IHO1: variants seen among roughly 807,000 people sequenced by gnomAD.
IHO1 encodes the protein interactor of HORMAD1 1.
A neutral mutation model predicts 31.0 loss-of-function variants in IHO1; 13 were observed. That is an observed-to-expected ratio of 0.42 (90% CI 0.27 to 0.67). The LOEUF (loss-of-function observed/expected upper bound fraction) is 0.67. Ranked by LOEUF, IHO1 falls within the 30% of genes least tolerant of loss-of-function variation. The pLI is 0.24. For synonymous variants in IHO1, 221 were observed against 248.4 expected (o/e 0.89, Z 1.04); for missense variants, 599 against 687.5 (o/e 0.87, Z 1.44).
intron 6 of IHO1, among the ~76,000 whole-genome samples, chr3:49,246,451 C>G (rs999532670): frequency 6.6e-6 from 1 of 151,986 alleles, no homozygotes; most frequent in Non-Finnish European, 1.5e-5. Context: ...TCGAGACCAG[C>G]CTGGCCAAAA....
chr3:49,218,272 T>C (rs2046313808), intron 2 of IHO1, among the ~76,000 whole-genome samples: 1 of 151,522 alleles, frequency 6.6e-6, no homozygotes, highest in African/African-American at 2.4e-5. Flanking sequence ...TCTCTCTCTC[T>C]CTTTCTCTGG....
chr3:49,212,890 T>C (rs1575567939), intron 2 of IHO1, among the ~76,000 whole-genome samples: 1 of 152,234 alleles, frequency 6.6e-6, no homozygotes, highest in African/African-American at 2.4e-5. Flanking sequence ...TTGCCACTGC[T>C]GGCTCGGGCA....
chr3:49,239,517 TG>T (rs949791618), intron 3 of IHO1, among the ~76,000 whole-genome samples: 1 of 151,798 alleles, frequency 6.6e-6, no homozygotes, highest in Non-Finnish European at 1.5e-5. Context: ...CCTGACCTCA[TG>T]ACCCACCTGC....
intron 1 of IHO1, among the ~76,000 whole-genome samples, chr3:49,206,875 C>T (rs1004466458): frequency 3.3e-5 from 5 of 151,874 alleles, no homozygotes; most frequent in African/African-American, 1.2e-4. Flanking sequence ...TGGTGAAACC[C>T]TGTGTCTACT....
At chr3:49,198,355 T>A (rs1323092149), upstream of IHO1, 4 of 152,334 alleles carry the variant, frequency 2.6e-5, no homozygotes, top group African/African-American at 9.6e-5. Flanking sequence ...CAGTTCCAAG[T>A]GCCTTCCAGA....
intron 6 of IHO1, among the ~76,000 whole-genome samples, chr3:49,254,768 C>T (rs779997374): frequency 2.6e-5 from 4 of 151,806 alleles, no homozygotes; most frequent in Admixed American, 6.6e-5. Flanking sequence ...GGGGTGCCAT[C>T]GAAAGTTTCA....
chr3:49,229,657 G>A (rs896831982), intron 2 of IHO1, among the ~76,000 whole-genome samples: 1 of 152,184 alleles, frequency 6.6e-6, no homozygotes, highest in Non-Finnish European at 1.5e-5. Context: ...TAAAGGTTTA[G>A]TAGATACAGG....
At chr3:49,205,086 G>A (rs967557525) in intron 1 of IHO1, among the ~76,000 whole-genome samples, 8 of 151,858 alleles carry the variant, frequency 5.3e-5, no homozygotes, top group Admixed American at 5.2e-4. Flanking sequence ...AAAAGCGGCT[G>A]GTTGGCTATT....
intron 2 of IHO1, among the ~76,000 whole-genome samples, chr3:49,220,160 A>G (rs1158260864): frequency 6.6e-6 from 1 of 152,216 alleles, no homozygotes; most frequent in Non-Finnish European, 1.5e-5. Flanking sequence ...CTGTTAGGAT[A>G]CACCCCACAG....
At chr3:49,212,326 G>A (rs542995573) in intron 2 of IHO1, among the ~76,000 whole-genome samples, 3 of 141,016 alleles carry the variant, frequency 2.1e-5, no homozygotes, top group Non-Finnish European at 3.1e-5. Flanking sequence ...CTTGGCCAAC[G>A]TGGCAAAACC....
chr3:49,247,397 T>TTTTTTTGTATTTTTTTGTA (rs2046708152), intron 6 of IHO1, among the ~76,000 whole-genome samples: 1 of 150,332 alleles, frequency 6.7e-6, no homozygotes, highest in Non-Finnish European at 1.5e-5. Context: ...CACCTGGCTA[T>TTTTTTTGTATTTTTTTGTA]TTTTTTGTAT....
At chr3:49,211,069 G>A (rs1006707107) in intron 1 of IHO1, among the ~76,000 whole-genome samples, 9 of 148,076 alleles carry the variant, frequency 6.1e-5, no homozygotes, top group Admixed American at 2.7e-4. Context: ...GTGCAGTGGC[G>A]CGATCTCGGC....
chr3:49,255,557 A>AT, intron 7 of IHO1, 64 bp downstream of exon 7: 6 of 898,950 alleles, frequency 6.7e-6, no homozygotes, highest in South Asian at 4.4e-5. Context: ...CCAGAGAGAA[A>AT]CTTTTTTTTT....
chr3:49,194,984 G>A (rs991973615), upstream of IHO1, among the ~76,000 whole-genome samples: 2 of 149,940 alleles, frequency 1.3e-5, no homozygotes, highest in African/African-American at 4.9e-5. Flanking sequence ...GGTGTGATGG[G>A]TCACTCCTGT....
At chr3:49,249,429 C>A (rs2046734886) in intron 6 of IHO1, among the ~76,000 whole-genome samples, 1 of 152,052 alleles carries the variant, frequency 6.6e-6, no homozygotes, top group African/African-American at 2.4e-5. Flanking sequence ...CACCACCACG[C>A]CCAGCTAAAT....
At position 49,244,749 on chromosome 3, in the gene IHO1, T is replaced by G; in HGVS notation, c.532+16T>G. 6.2e-7 allele frequency: 1 copy of G among 1,603,962 alleles called. No individual in the cohort carries two copies. The highest frequency in any genetic ancestry group is 2.2e-5 in the East Asian group (1 of 44,844). On this transcript the variant is annotated intron_variant, in intron 6 of 7. Transcript: ENST00000452691. ...GCCAAGACATGTGAGTGCCTCATGTTTGAGGTATCAGCAGAGGGCACTGGT... is the reference window on the plus strand; with the variant it reads ...GCCAAGACATGTGAGTGCCTCATGTGTGAGGTATCAGCAGAGGGCACTGGT...
At chr3:49,212,154 A>G (rs1575567366) in intron 2 of IHO1, among the ~76,000 whole-genome samples, 1 of 127,352 alleles carries the variant, frequency 7.9e-6, no homozygotes, top group Admixed American at 9.2e-5. Flanking sequence ...ACAGAGCGAG[A>G]CTCCGTCTCA....
intron 2 of IHO1, among the ~76,000 whole-genome samples, chr3:49,234,162 G>GTTT (rs56802492): frequency 0.19 from 17,590 of 91,606 alleles, 125 homozygotes; most frequent in East Asian, 0.36. Flanking sequence ...TTTTGTTGTT[G>GTTT]TTTTTTTTTT....
At chr3:49,222,309 G>A (rs766130610) in intron 2 of IHO1, among the ~76,000 whole-genome samples, 3 of 152,170 alleles carry the variant, frequency 2.0e-5, no homozygotes, top group African/African-American at 7.2e-5. Context: ...ACAGAGAGTG[G>A]GTTAAGTTGA....
Sources: allele counts gnomAD v4.1 joint callset (sites outside exome capture counted in the v4.1 genomes callset), GRCh38; gene constraint gnomAD v4.1.1; transcripts MANE v1.5; gene names NCBI Gene and HGNC (gene_info 2026-07-23, HGNC 2026-07-21).